TFEC: variants seen among roughly 807,000 people sequenced by gnomAD.
The protein encoded by TFEC is class E basic helix-loop-helix protein 34.
A neutral mutation model predicts 41.6 loss-of-function variants in TFEC; 31 were observed. That is an observed-to-expected ratio of 0.74 (90% confidence interval 0.56 to 1.01). The LOEUF is 1.01. Among genes scored for constraint, TFEC ranks in the 50% least tolerant of loss-of-function variants. TFEC has a pLI of 0.00. For missense variants in TFEC, 402 were observed against 404.1 expected (o/e 0.99, Z 0.04); for synonymous variants, 143 against 140.6 (o/e 1.02, Z -0.12).
intron 3 of TFEC, among the ~76,000 whole-genome samples, chr7:116,073,242 A>G (rs748525958): frequency 6.6e-6 from 1 of 151,788 alleles, no homozygotes; most frequent in Admixed American, 6.6e-5. Context: ...TTTACAATGC[A>G]TTAGGAAATA....
chr7:116,065,108 A>T lies in TFEC; in HGVS notation c.198+45600T>A, dbSNP rs77030989. ...ACAGCCAGGCCACTACTCTTCGAAA[A>T]GGAGACTTAGATGATCTTTCCTTGG... On this transcript the variant is annotated intron_variant, in intron 3 of 8. Coordinates refer to the TFEC transcript ENST00000484212. Among the ~76,000 whole-genome samples, 608 of 152,300 alleles carry T rather than the reference A, an allele frequency of 4.0e-3. 5 individuals are homozygous for T. The highest frequency in any genetic ancestry group is 0.014 in the African/African-American group (576 of 41,570).
At chr7:115,972,421 T>C (rs191952559) in intron 3 of TFEC, among the ~76,000 whole-genome samples, 243 of 152,208 alleles carry the variant, frequency 1.6e-3, no homozygotes, top group Non-Finnish European at 2.6e-3. Context: ...ATTTGCACAA[T>C]GTCTGGACTA....
At chr7:116,148,839 A>T (rs1171494385) in intron 1 of TFEC, among the ~76,000 whole-genome samples, 1 of 152,014 alleles carries the variant, frequency 6.6e-6, no homozygotes, top group African/African-American at 2.4e-5. Context: ...AGTCATTCAC[A>T]TAGGGTCGCT....
intron 3 of TFEC, among the ~76,000 whole-genome samples, chr7:115,963,274 C>A (rs904751378): frequency 6.6e-6 from 1 of 151,726 alleles, no homozygotes. Flanking sequence ...ATCAAAGCTA[C>A]CATGTAATAC....
chr7:116,045,385 A>C (rs1361408635), intron 3 of TFEC, among the ~76,000 whole-genome samples: 1 of 152,230 alleles, frequency 6.6e-6, no homozygotes, highest in Non-Finnish European at 1.5e-5. Context: ...AGACATTTCT[A>C]AGAAGCAAAG....
chr7:116,000,198 T>C (rs1562924934), intron 1 of TFEC, among the ~76,000 whole-genome samples: 1 of 152,038 alleles, frequency 6.6e-6, no homozygotes, highest in Non-Finnish European at 1.5e-5. Flanking sequence ...ATCAACAGAA[T>C]GAAGAACAAA....
chr7:115,984,004 A>G (rs1793739288), intron 2 of TFEC, among the ~76,000 whole-genome samples: 1 of 152,172 alleles, frequency 6.6e-6, no homozygotes, highest in Non-Finnish European at 1.5e-5. Flanking sequence ...TCTTCTAAAC[A>G]CATACCACTA....
At chr7:115,968,254 C>T in intron 3 of TFEC, 1 of 1,530,186 alleles carries the variant, frequency 6.5e-7, no homozygotes, top group South Asian at 1.2e-5. Flanking sequence ...TCATCATTTT[C>T]TTTTCCTTAA....
intron 1 of TFEC, among the ~76,000 whole-genome samples, chr7:116,140,762 CTCTG>C: frequency 6.6e-6 from 1 of 152,184 alleles, no homozygotes; most frequent in Admixed American, 6.6e-5. Context: ...ACCCTCCACA[CTCTG>C]TAGTGCATTA....
intron 2 of TFEC, chr7:116,111,070 T>C (rs1797844584): frequency 1.8e-5 from 8 of 435,968 alleles, no homozygotes; most frequent in Non-Finnish European, 3.1e-5. Context: ...TATTTAATGG[T>C]TATGGTTCAT....
intron 1 of TFEC, among the ~76,000 whole-genome samples, chr7:115,991,639 T>C (rs1435900229): frequency 1.3e-5 from 2 of 152,182 alleles, no homozygotes; most frequent in African/African-American, 2.4e-5. Flanking sequence ...GGCCATTACA[T>C]AATGGTAAAG....
At chr7:116,018,652 TAA>T (rs1398719633) in intron 1 of TFEC, among the ~76,000 whole-genome samples, 9 of 152,204 alleles carry the variant, frequency 5.9e-5, no homozygotes, top group African/African-American at 2.2e-4. Context: ...TTGAAGATTT[TAA>T]GTTTTTATTA....
At chr7:115,984,685 GATT>G (rs1793777022) in intron 1 of TFEC, among the ~76,000 whole-genome samples, 172 bp from the exon 2 acceptor site, 3 of 152,100 alleles carry the variant, frequency 2.0e-5, no homozygotes, top group African/African-American at 4.8e-5. Flanking sequence ...AATGGGTTAT[GATT>G]ATTAAGAAGT....
intron 3 of TFEC, among the ~76,000 whole-genome samples, chr7:116,062,065 CT>C (rs1215931330): frequency 5.3e-4 from 76 of 142,262 alleles, no homozygotes; most frequent in African/African-American, 1.0e-3. Context: ...CTGTACCATT[CT>C]TTTTTTTTTT....
At chr7:115,952,445 C>A (rs1306711323) in intron 5 of TFEC, among the ~76,000 whole-genome samples, 5 of 151,964 alleles carry the variant, frequency 3.3e-5, no homozygotes, top group African/African-American at 1.2e-4. Flanking sequence ...CACATTAACT[C>A]TTATAAGCCA....
chr7:116,077,931 ACAGATATTTG>A (rs1796998163), intron 3 of TFEC, among the ~76,000 whole-genome samples: 1 of 152,148 alleles, frequency 6.6e-6, no homozygotes, highest in Non-Finnish European at 1.5e-5. Context: ...AATGGACTTA[ACAGATATTTG>A]CACAACATTC....
At chr7:116,039,419 T>C (rs916398118) in intron 3 of TFEC, among the ~76,000 whole-genome samples, 23 of 137,528 alleles carry the variant, frequency 1.7e-4, no homozygotes, top group African/African-American at 6.7e-4. Context: ...CAAAAGAAAA[T>C]TCTGTGTGTG....
intron 3 of TFEC, among the ~76,000 whole-genome samples, chr7:115,973,722 A>T (rs958712865): frequency 1.3e-5 from 2 of 152,014 alleles, no homozygotes; most frequent in African/African-American, 2.4e-5. Context: ...ATTGGCTTAG[A>T]AGTAAATTTA....
intron 2 of TFEC, among the ~76,000 whole-genome samples, chr7:115,977,845 AG>A (rs1268721202): frequency 6.6e-6 from 1 of 152,024 alleles, no homozygotes; most frequent in African/African-American, 2.4e-5. Context: ...GACCATACTA[AG>A]GTAGATTTTT....
Sources: allele counts gnomAD v4.1 joint callset (sites outside exome capture counted in the v4.1 genomes callset), GRCh38; gene constraint gnomAD v4.1.1; transcripts MANE v1.5; gene names NCBI Gene and HGNC (gene_info 2026-07-23, HGNC 2026-07-21).